The following SARDH variants were observed in gnomAD, a reference collection of about 807,000 sequenced individuals.
SARDH encodes sarcosine dehydrogenase, mitochondrial.
Under a neutral mutation model 109.1 loss-of-function variants are expected in SARDH, and 95 were observed. The ratio of observed to expected loss-of-function variants is 0.87; its 90% confidence interval spans 0.74 to 1.03. The LOEUF is 1.03. SARDH is among the 50% of genes least tolerant of loss of function. The pLI, the probability that SARDH is intolerant of heterozygous loss-of-function variation, is 0.00. For missense variants in SARDH, 1,267 were observed against 1,287.8 expected, an observed-to-expected ratio of 0.98 and a Z score of 0.25; for synonymous variants, 572 against 534.8, an observed-to-expected ratio of 1.07 and a Z score of -0.96.
chr9:133,691,511 G>T (rs928119432), intron 15 of SARDH, among the ~76,000 whole-genome samples: 2 of 152,108 alleles, frequency 1.3e-5, no homozygotes, highest in African/African-American at 2.4e-5. Context: ...CAGTGGGTGT[G>T]GGGGGAGCTG....
chr9:133,702,916 C>A lies in SARDH; in HGVS notation c.1668G>T (p.Thr556=). The change falls in exon 13 of 21, where the codon ACG becomes ACT. Residue 556 remains threonine, a splice_region_variant and synonymous_variant. Transcript: ENST00000439388. ...CCCACGGTGGACCCCAGCTACGCAC[C>A]GTGTCGTGGTGGGGCGGGAAGGCGA... The part of the protein sequence containing the change: ...YTFAFPPHHD[T]IKKECLACRG... The A allele has an allele frequency of 6.2e-7, 1 of 1,611,248 alleles. No individual in the cohort carries two copies.
chr9:133,710,406 G>A, intron 10 of SARDH, among the ~76,000 whole-genome samples: 1 of 152,218 alleles, frequency 6.6e-6, no homozygotes, highest in African/African-American at 2.4e-5. Flanking sequence ...GGTCAGCCCT[G>A]GGACCCTCAC....
intron 16 of SARDH, among the ~76,000 whole-genome samples, chr9:133,685,833 T>C (rs559959101): frequency 1.1e-4 from 17 of 152,266 alleles, no homozygotes; most frequent in African/African-American, 3.1e-4. Flanking sequence ...TCCGGCCTCC[T>C]CCCAGCCCAC....
chr9:133,692,767 T>C lies in SARDH; in HGVS notation c.1921+1491A>G, dbSNP rs1156570403. On this transcript the variant is annotated intron_variant, in intron 15 of 20. Coordinates refer to ENST00000439388, the MANE Select transcript of SARDH (RefSeq NM_001134707.2). The surrounding 1 kb of genome is among the most constrained non-coding windows in gnomAD (Gnocchi z 5.0). ...CAGTGCAGGCTCACGTGATGACTGT[T>C]GAGGGAACGAGCGAAGGAACGAGCT... is the stretch of plus-strand genomic sequence containing the variant. 1.3e-5 allele frequency among the ~76,000 whole-genome samples: 2 copies of C among 152,118 alleles called. No homozygotes were observed. The highest frequency in any genetic ancestry group is 2.9e-5 in the Non-Finnish European group (2 of 68,008).
downstream of SARDH, among the ~76,000 whole-genome samples, chr9:133,661,100 G>C (rs1832406160): frequency 6.6e-6 from 1 of 152,150 alleles, no homozygotes; most frequent in African/African-American, 2.4e-5. Flanking sequence ...AGCATTTTGG[G>C]AGACTGAGGC....
chr9:133,674,499 TTTCCACATCCTG>T (rs1830452585), intron 17 of SARDH, among the ~76,000 whole-genome samples: 1 of 152,248 alleles, frequency 6.6e-6, no homozygotes, highest in Non-Finnish European at 1.5e-5. Context: ...GTTTAAACCC[TTTCCACATCCTG>T]AAAATTCCAT....
At position 133,729,994 on chromosome 9, in the gene SARDH, C is replaced by A. The variant is rs1010733888; in HGVS notation, c.814+70G>T. The stretch of plus-strand genomic sequence containing the variant: ...CTCCCCACCCCAGAAAGAAGCCCTG[C>A]AGAGGTGGGAGCAGGTTTAGGGAGC... On this transcript the variant is annotated intron_variant, in intron 5 of 20. Coordinates refer to ENST00000439388, the MANE Select transcript of SARDH (RefSeq NM_001134707.2). 7 of 1,600,632 alleles carry A rather than the reference C, an allele frequency of 4.4e-6. No individual in the cohort carries two copies. In the African/African-American group the frequency reaches 6.7e-5, roughly 15 times the overall value.
Position 133,703,095 on chromosome 9 carries a change from G to C in SARDH, c.1555-66C>G, listed in dbSNP as rs1255559577. 7.0e-6 allele frequency: 10 copies of C among 1,419,700 alleles called. No homozygotes were observed. The South Asian group carries it at 9.7e-5, about 14-fold the overall frequency. The allele number at this position is 1,419,700 out of a possible 1,614,324, so 87.9% of individuals were successfully genotyped here. ...CCCTCCCCGCTTCCCTCCCCAGAGC[G>C]GGGTCCCGCTGAGGCTGTGATGGGG... On this transcript the variant is annotated intron_variant, in intron 12 of 20. Transcript: ENST00000439388.
At chr9:133,734,364 CTCATTCAT>C (rs199864550) in intron 1 of SARDH, among the ~76,000 whole-genome samples, 161 bp from the exon 2 acceptor site, 2 of 147,376 alleles carry the variant, frequency 1.4e-5, no homozygotes, top group African/African-American at 2.7e-5. Flanking sequence ...CATTCATTCA[CTCATTCAT>C]TCATTCACTC....
rs371598652 is a variant in SARDH at position 133,722,164 on chromosome 9, A to G, written c.916-3122T>C. 5.3e-5 allele frequency among the ~76,000 whole-genome samples: 8 copies of G among 152,338 alleles called. No individual in the cohort carries two copies. In the East Asian group the frequency reaches 9.6e-4, roughly 18 times the overall value. ...AAAACACCATGGCCAACTGGAATTT[A>G]TCCTAGGAAGGCAAGTTTGGTATAA... On this transcript the variant is annotated intron_variant, in intron 6 of 20. Coordinates refer to ENST00000439388, the MANE Select transcript of SARDH (RefSeq NM_001134707.2).
At chr9:133,732,783 T>C (rs1832734834) in intron 2 of SARDH, among the ~76,000 whole-genome samples, 182 bp from the exon 3 acceptor site, 1 of 152,050 alleles carries the variant, frequency 6.6e-6, no homozygotes, top group Admixed American at 6.5e-5. Context: ...CCAAGATGAA[T>C]GTGAGGGAGG....
Position 133,691,863 on chromosome 9 carries a change from G to A in SARDH, c.1922-1336C>T, listed in dbSNP as rs988456093. Among the ~76,000 whole-genome samples, 9 of 152,144 alleles carry A rather than the reference G, an allele frequency of 5.9e-5. 1 individual carries two copies. Among genetic ancestry groups the A allele is most frequent in the East Asian group, 3.9e-4 (2 of 5,190 alleles). ...CTGTTGAGTGGTGTCCCCAGGACCC[G>A]CAGAGCCCTGGGGGATGTGACTCAC... On this transcript the variant is annotated intron_variant, in intron 15 of 20. Coordinates refer to ENST00000439388, the MANE Select transcript of SARDH (RefSeq NM_001134707.2).
At position 133,666,476 on chromosome 9, in the gene SARDH, TCC is replaced by T. The variant is rs1020301246; in HGVS notation, c.2631+257_2631+258del. ...TCCTCCACCTGCTGAGGCCTCTTCC[TCC>T]CCCTTCTCCTTCTCCCTCCCTCCTC... On this transcript the variant is annotated intron_variant, in intron 20 of 20. Transcript: ENST00000439388. The surrounding 1 kb of genome is among the most constrained non-coding windows in gnomAD (Gnocchi z 5.2). Among the ~76,000 whole-genome samples the T allele has an allele frequency of 4.0e-5, 6 of 151,412 alleles. No individual in the cohort carries two copies. The highest frequency in any genetic ancestry group is 1.5e-4 in the African/African-American group (6 of 41,154).
chr9:133,685,459 A>G (rs1830852268), intron 16 of SARDH, among the ~76,000 whole-genome samples, 173 bp from the exon 17 acceptor site: 2 of 152,226 alleles, frequency 1.3e-5, no homozygotes, highest in Admixed American at 6.5e-5. Context: ...CCAAATATAC[A>G]TAAGACAGCC....
Position 133,666,728 on chromosome 9 carries a change from G to T in SARDH, c.2631+7C>A, listed in dbSNP as rs1270691523. On this transcript the variant is annotated splice_region_variant and intron_variant, in intron 20 of 20. Transcript: ENST00000439388. The surrounding 1 kb of genome is among the most constrained non-coding windows in gnomAD (Gnocchi z 5.2). ...CTGCCTTAGCAGGGCCAGAGAAGGGGACTCACCGGCCCACCGCTGGGGTCA... is the reference window on the plus strand; with the variant it reads ...CTGCCTTAGCAGGGCCAGAGAAGGGTACTCACCGGCCCACCGCTGGGGTCA... 1 of 1,583,670 alleles carries T rather than the reference G, an allele frequency of 6.3e-7. No individual in the cohort carries two copies. Among genetic ancestry groups the T allele is most frequent in the Non-Finnish European group, 8.6e-7 (1 of 1,165,362 alleles).
chr9:133,688,117 A>G (rs1240394445), intron 16 of SARDH, among the ~76,000 whole-genome samples: 1 of 152,222 alleles, frequency 6.6e-6, no homozygotes, highest in Non-Finnish European at 1.5e-5. Flanking sequence ...ATGAAGCCAG[A>G]GGATTCCAAG....
Position 133,708,179 on chromosome 9 carries a change from G to A in SARDH, c.1470+108C>T, listed in dbSNP as rs115340164. 3,068 of 1,331,108 alleles carry A rather than the reference G, an allele frequency of 2.3e-3. 61 individuals are homozygous for A. The African/African-American group carries it at 0.041, about 18-fold the overall frequency. 82.5% of individuals were successfully genotyped at this position (1,331,108 alleles called of 1,614,324 possible). ...GGGGAATGACAGACACCTTGTCACC[G>A]CACCTGACCTGCGGTTGGGGTACAC... On this transcript the variant is annotated intron_variant, in intron 11 of 20. Coordinates refer to ENST00000439388, the MANE Select transcript of SARDH (RefSeq NM_001134707.2).
chr9:133,701,738 C>T (rs1307721871), intron 13 of SARDH, among the ~76,000 whole-genome samples: 3 of 152,212 alleles, frequency 2.0e-5, no homozygotes, highest in Non-Finnish European at 2.9e-5. Flanking sequence ...ATGACACACA[C>T]GCCTCCTCCT....
At chr9:133,700,924 T>C (rs1196879609) in intron 13 of SARDH, among the ~76,000 whole-genome samples, 5 of 152,136 alleles carry the variant, frequency 3.3e-5, no homozygotes, top group African/African-American at 1.2e-4. Flanking sequence ...AGGAAAAAAA[T>C]AATCATGACA....
Sources: allele counts gnomAD v4.1 joint callset (sites outside exome capture counted in the v4.1 genomes callset), GRCh38; gene constraint gnomAD v4.1.1; non-coding constraint Gnocchi (gnomAD v3.1); transcripts MANE v1.5; gene names NCBI Gene and HGNC (gene_info 2026-07-23, HGNC 2026-07-21).